EFNA5: variants seen among roughly 807,000 people sequenced by gnomAD.
EFNA5 encodes the protein ephrin A5.
Under a neutral mutation model 22.9 loss-of-function variants are expected in EFNA5, and 5 were observed. The ratio of observed to expected loss-of-function variants is 0.22; its 90% CI spans 0.11 to 0.46. The LOEUF (loss-of-function observed/expected upper bound fraction) is 0.46, where lower values mean the gene tolerates loss of function less well. Ranked by LOEUF, EFNA5 falls within the 20% of genes least tolerant of loss-of-function variation. EFNA5 has a pLI of 0.99. For missense variants in EFNA5, 237 were observed against 293.3 expected (o/e 0.81, Z 1.40); for synonymous variants, 113 against 112.2 (o/e 1.01, Z -0.04).
chr5:107,551,276 G>A (rs770518508), intron 1 of EFNA5, among the ~76,000 whole-genome samples: 1 of 152,178 alleles, frequency 6.6e-6, no homozygotes, highest in Non-Finnish European at 1.5e-5. Context: ...TAAGTCAAGG[G>A]TCTGCCAGTG....
intron 1 of EFNA5, among the ~76,000 whole-genome samples, chr5:107,549,966 T>C (rs1044510907): frequency 1.3e-5 from 2 of 152,270 alleles, no homozygotes; most frequent in African/African-American, 4.8e-5. Flanking sequence ...TCATTCCTTA[T>C]AAGGTATTTG....
At chr5:107,393,167 G>A (rs933686441) in intron 2 of EFNA5, among the ~76,000 whole-genome samples, 2 of 152,190 alleles carry the variant, frequency 1.3e-5, no homozygotes, top group African/African-American at 4.8e-5. Context: ...GAATGGAAAG[G>A]TGGTCTTTAA....
chr5:107,653,577 A>G (rs1750774600), intron 1 of EFNA5, among the ~76,000 whole-genome samples: 1 of 152,142 alleles, frequency 6.6e-6, no homozygotes, highest in Admixed American at 6.5e-5. Flanking sequence ...TCCAAGCACA[A>G]CTCAACAGGG....
chr5:107,409,548 G>T lies in EFNA5; in HGVS notation c.418+17669C>A, dbSNP rs148566822. Among the ~76,000 whole-genome samples, 1,120 of 152,256 alleles carry T rather than the reference G, an allele frequency of 7.4e-3. 14 individuals are homozygous for T. The highest frequency in any genetic ancestry group is 0.014 in the Middle Eastern group (4 of 294). The stretch of plus-strand genomic sequence containing the variant: ...TCAATGTTCAGAACCAACTTGGAAG[G>T]CATATGTATTAGTGAGTGCCTGTCC... On this transcript the variant is annotated intron_variant, in intron 2 of 4. Coordinates refer to ENST00000333274, the MANE Select transcript of EFNA5 (RefSeq NM_001962.3).
intron 2 of EFNA5, among the ~76,000 whole-genome samples, chr5:107,415,239 T>C (rs1034651387): frequency 6.6e-6 from 1 of 152,158 alleles, no homozygotes; most frequent in Admixed American, 6.6e-5. Flanking sequence ...TATTAATATA[T>C]ACCCAGCAAG....
chr5:107,400,846 G>A (rs769709144), intron 2 of EFNA5, among the ~76,000 whole-genome samples: 1 of 152,300 alleles, frequency 6.6e-6, no homozygotes, highest in East Asian at 1.9e-4. Context: ...AATGCACAGA[G>A]CAATCTCATA....
intron 1 of EFNA5, among the ~76,000 whole-genome samples, chr5:107,453,856 T>A (rs1285932354): frequency 6.6e-6 from 1 of 152,120 alleles, no homozygotes; most frequent in Non-Finnish European, 1.5e-5. Flanking sequence ...CTAACCTGAC[T>A]AATTGTCTCC....
At position 107,379,967 on chromosome 5, in the gene EFNA5, C is replaced by T. The variant is rs970209186; in HGVS notation, c.*1288G>A. On this transcript the variant is annotated 3_prime_UTR_variant, in exon 5 of 5. Coordinates refer to ENST00000333274, the MANE Select transcript of EFNA5 (RefSeq NM_001962.3). ...ATCTTGTTTATCTCCCACAGATAAACACATGTTCCCCCTACGCTTTAGGCT... is the reference window on the plus strand; with the variant it reads ...ATCTTGTTTATCTCCCACAGATAAATACATGTTCCCCCTACGCTTTAGGCT... 1 of 152,102 alleles carries T rather than the reference C, an allele frequency of 6.6e-6. No homozygotes were observed. Among genetic ancestry groups the T allele is most frequent in the Non-Finnish European group, 1.5e-5 (1 of 68,008 alleles). The allele number at this position is 152,102 out of a possible 1,614,324, so 9.4% of individuals were successfully genotyped here.
chr5:107,623,610 G>T (rs1023016960), intron 1 of EFNA5, among the ~76,000 whole-genome samples: 15 of 151,898 alleles, frequency 9.9e-5, no homozygotes, highest in Admixed American at 3.9e-4. Flanking sequence ...TGAATAGGTG[G>T]GCAGGCTGGT....
At chr5:107,451,205 A>C (rs2112446329) in intron 1 of EFNA5, among the ~76,000 whole-genome samples, 1 of 152,344 alleles carries the variant, frequency 6.6e-6, no homozygotes, top group East Asian at 1.9e-4. Context: ...CTATGTACTC[A>C]AGCTTCAAAG....
intron 1 of EFNA5, among the ~76,000 whole-genome samples, chr5:107,663,059 G>A (rs1750996545): frequency 6.6e-6 from 1 of 152,028 alleles, no homozygotes. Context: ...TAAGAAGATA[G>A]CATTTTAGTA....
chr5:107,549,665 C>T (rs1382790434), intron 1 of EFNA5, among the ~76,000 whole-genome samples: 1 of 152,250 alleles, frequency 6.6e-6, no homozygotes, highest in Non-Finnish European at 1.5e-5. Context: ...GGGTCCCAGG[C>T]TTCCACAGTG....
At chr5:107,395,653 T>C (rs1317067835) in intron 2 of EFNA5, among the ~76,000 whole-genome samples, 5 of 152,212 alleles carry the variant, frequency 3.3e-5, no homozygotes, top group Admixed American at 3.3e-4. Flanking sequence ...GGCCACACAA[T>C]ATTTAAGTGA....
chr5:107,417,540 G>C (rs776882659), intron 2 of EFNA5, among the ~76,000 whole-genome samples: 1 of 152,098 alleles, frequency 6.6e-6, no homozygotes, highest in Non-Finnish European at 1.5e-5. Flanking sequence ...GGATACTCAT[G>C]AACTAAAATA....
intron 2 of EFNA5, 90 bp from the exon 3 acceptor site, chr5:107,387,861 A>G (rs1296821157): frequency 3.2e-6 from 3 of 945,094 alleles, no homozygotes; most frequent in Non-Finnish European, 3.2e-6. Flanking sequence ...TGAACAATAA[A>G]TTCTTTCCTG....
intron 1 of EFNA5, among the ~76,000 whole-genome samples, chr5:107,477,957 T>C (rs1476496945): frequency 6.6e-6 from 1 of 152,124 alleles, no homozygotes; most frequent in East Asian, 1.9e-4. Context: ...GCATAACTGA[T>C]TGGTAGCAGT....
intron 1 of EFNA5, among the ~76,000 whole-genome samples, chr5:107,546,544 C>T (rs1034537180): frequency 6.6e-6 from 1 of 152,006 alleles, no homozygotes; most frequent in Non-Finnish European, 1.5e-5. Context: ...CTTTATTCAT[C>T]GTAGTATTAC....
chr5:107,423,766 C>G (rs1748735547), intron 2 of EFNA5, among the ~76,000 whole-genome samples: 1 of 152,042 alleles, frequency 6.6e-6, no homozygotes, highest in Non-Finnish European at 1.5e-5. Flanking sequence ...TCTACCTCAG[C>G]AATAATCAGC....
At chr5:107,626,203 A>G (rs1750137539) in intron 1 of EFNA5, among the ~76,000 whole-genome samples, 1 of 152,232 alleles carries the variant, frequency 6.6e-6, no homozygotes, top group Admixed American at 6.5e-5. Context: ...TAGTAAATGC[A>G]GAACCACCAT....
Sources: allele counts gnomAD v4.1 joint callset (sites outside exome capture counted in the v4.1 genomes callset), GRCh38; gene constraint gnomAD v4.1.1; transcripts MANE v1.5; gene names NCBI Gene and HGNC (gene_info 2026-07-23, HGNC 2026-07-21).